The following ADA2 variants were observed in gnomAD, a reference collection of about 807,000 sequenced individuals.
The protein encoded by ADA2 is adenosine deaminase 2, also known as adenosine deaminase CECR1.
A neutral mutation model predicts 44.2 loss-of-function variants in ADA2; 29 were observed. The ratio of observed to expected loss-of-function variants is 0.66; its 90% CI spans 0.49 to 0.89. The LOEUF (loss-of-function observed/expected upper bound fraction) is 0.89, where lower values mean the gene tolerates loss of function less well. Among genes scored for constraint, ADA2 ranks in the 40% least tolerant of loss-of-function variants. The pLI is 0.00. For missense variants in ADA2, 637 were observed against 644.8 expected, an observed-to-expected ratio of 0.99 and a Z score of 0.13; for synonymous variants, 215 against 234.9, an observed-to-expected ratio of 0.92 and a Z score of 0.77.
intron 4 of ADA2, among the ~76,000 whole-genome samples, chr22:17,201,967 C>CTTTTT (rs71200247): frequency 1.6e-4 from 16 of 103,106 alleles, no homozygotes; most frequent in South Asian, 3.4e-4. Context: ...TTTCTTTTTT[C>CTTTTT]TTTTTTTTTT....
chr22:17,200,518 C>G (rs1187056665), intron 4 of ADA2, among the ~76,000 whole-genome samples: 2 of 152,084 alleles, frequency 1.3e-5, no homozygotes, highest in Non-Finnish European at 2.9e-5. Flanking sequence ...GCAACAGATC[C>G]AAGTGGAGAC....
At chr22:17,193,358 CAAAAAAAAAAAAAA>C (rs71200244) in intron 4 of ADA2, 25 of 66,356 alleles carry the variant, frequency 3.8e-4, no homozygotes, top group Non-Finnish European at 4.8e-4. Context: ...GTAAAAACTG[CAAAAAAAAAAAAAA>C]AAAAAAAAAA....
At chr22:17,198,208 C>G (rs947460637) in intron 4 of ADA2, among the ~76,000 whole-genome samples, 2 of 152,162 alleles carry the variant, frequency 1.3e-5, no homozygotes, top group Non-Finnish European at 2.9e-5. Flanking sequence ...ACATCTCAGC[C>G]CTGGCGGCAC....
chr22:17,199,656 G>T, intron 4 of ADA2: 5 of 1,611,998 alleles, frequency 3.1e-6, no homozygotes, highest in Admixed American at 1.7e-5. Context: ...CTATTAGGAC[G>T]CTCAGAGAGC....
intron 4 of ADA2, among the ~76,000 whole-genome samples, chr22:17,198,045 A>AC (rs1158518593): frequency 6.6e-6 from 1 of 151,950 alleles, no homozygotes; most frequent in Non-Finnish European, 1.5e-5. Context: ...TCTCAAAAAA[A>AC]AAAAAAACAA....
intron 4 of ADA2, among the ~76,000 whole-genome samples, chr22:17,201,122 T>C (rs2062280087): frequency 6.6e-6 from 1 of 151,428 alleles, no homozygotes; most frequent in African/African-American, 2.4e-5. Context: ...GGCACGAGAA[T>C]CGCTTGAACC....
chr22:17,219,826 C>T (rs2123742095), upstream of ADA2, among the ~76,000 whole-genome samples: 1 of 152,050 alleles, frequency 6.6e-6, no homozygotes, highest in East Asian at 1.9e-4. Context: ...AGGCGTGCGC[C>T]ACCATGCCCC....
At position 17,203,792 on chromosome 22, in the gene ADA2, G is replaced by T. The variant is rs755006464; in HGVS notation, c.543-19C>A. 6 of 1,583,396 alleles carry T rather than the reference G, an allele frequency of 3.8e-6. No individual in the cohort carries two copies. The highest frequency in any genetic ancestry group is 4.3e-6 in the Non-Finnish European group (5 of 1,153,664). Reference sequence around the variant, plus strand: ...CAGCAAGCTGTCCAAGACACGAAGTGGGGAGTGGCAGAGGCATGATCCAGG... The same window carrying T: ...CAGCAAGCTGTCCAAGACACGAAGTTGGGAGTGGCAGAGGCATGATCCAGG... On this transcript the variant is annotated intron_variant, in intron 3 of 9. Coordinates refer to ENST00000399837, the MANE Select transcript of ADA2 (RefSeq NM_001282225.2).
At position 17,207,130 on chromosome 22, in the gene ADA2, C is replaced by T; in HGVS notation, c.483G>A (p.Lys161=). Residue 161 remains lysine, a synonymous_variant, in exon 3 of 10, where the codon AAG becomes AAA. Transcript: ENST00000399837. ...TCCGATAATCCTCCAGCAGAATCCA[C>T]TTGGAACATTTTTCTGATGGACGGG... The part of the protein sequence containing the change: ...PTPRPSEKCS[K]WILLEDYRKR... 1 of 1,614,234 alleles carries T rather than the reference C, an allele frequency of 6.2e-7. No individual in the cohort carries two copies. The highest frequency in any genetic ancestry group is 8.5e-7 in the Non-Finnish European group (1 of 1,180,044).
chr22:17,197,269 CTT>C (rs113880994), intron 4 of ADA2, among the ~76,000 whole-genome samples: 3 of 143,160 alleles, frequency 2.1e-5, no homozygotes, highest in Non-Finnish European at 3.0e-5. Flanking sequence ...TCTTTTTTTT[CTT>C]TTTTTTTTTT....
chr22:17,208,747 G>A (rs1317323879), intron 2 of ADA2, among the ~76,000 whole-genome samples: 1 of 151,904 alleles, frequency 6.6e-6, no homozygotes, highest in Non-Finnish European at 1.5e-5. Flanking sequence ...AGGTTGCAGT[G>A]AGCCAAGATC....
Position 17,181,945 on chromosome 22 carries a change from G to A in ADA2, c.1317C>T (p.Ser439=). The change falls in exon 9 of 10, where the codon AGC becomes AGT. Residue 439 remains serine, a synonymous_variant. Coordinates refer to ENST00000399837, the MANE Select transcript of ADA2 (RefSeq NM_001282225.2). ...LMATGHPMVI[S]SDDPAMFGAK... is the part of the protein sequence containing the mutation. ...CACCAAACATAGCTGGGTCATCAGA[G>A]CTGATCACCATGGGGTGCCCAGTGG... 1 of 1,614,118 alleles carries A rather than the reference G, an allele frequency of 6.2e-7. No individual in the cohort carries two copies. The highest frequency in any genetic ancestry group is 8.5e-7 in the Non-Finnish European group (1 of 1,179,962).
intron 4 of ADA2, among the ~76,000 whole-genome samples, chr22:17,193,492 T>A (rs2062150367): frequency 6.8e-6 from 1 of 148,148 alleles, no homozygotes; most frequent in Non-Finnish European, 1.5e-5. Flanking sequence ...TGGTGAAACC[T>A]CGTCTCTACT....
At chr22:17,212,011 T>C (rs1198449434) in intron 1 of ADA2, among the ~76,000 whole-genome samples, 2 of 149,892 alleles carry the variant, frequency 1.3e-5, no homozygotes, top group East Asian at 3.9e-4. Context: ...ACCTATTTTT[T>C]TCTTTTCTTT....
At chr22:17,199,704 G>C (rs527379878) in intron 4 of ADA2, 1 of 1,559,580 alleles carries the variant, frequency 6.4e-7, no homozygotes, top group Admixed American at 1.9e-5. Flanking sequence ...TAGGAGCCCT[G>C]GTCTGGGTCC....
chr22:17,210,757 C>T lies in ADA2; in HGVS notation c.-46-1034G>A, dbSNP rs191160467. ...GGACTACAGGCACGCGTCACCATACCCAGCTAATTTTTGTATTTTTAATAG... is the reference window on the plus strand; with the variant it reads ...GGACTACAGGCACGCGTCACCATACTCAGCTAATTTTTGTATTTTTAATAG... On this transcript the variant is annotated intron_variant, in intron 1 of 9. Coordinates refer to ENST00000399837, the MANE Select transcript of ADA2 (RefSeq NM_001282225.2). Among the ~76,000 whole-genome samples the T allele has an allele frequency of 1.1e-4, 16 of 151,936 alleles. No homozygotes were observed. The East Asian group carries it at 2.7e-3, about 26-fold the overall frequency.
chr22:17,212,982 G>A (rs1023721065), intron 1 of ADA2, among the ~76,000 whole-genome samples: 1 of 148,950 alleles, frequency 6.7e-6, no homozygotes, highest in Non-Finnish European at 1.5e-5. Context: ...TAGAGACAGG[G>A]TCTCACTATG....
In ADA2 at chr22:17,188,868, A is replaced by AAAAAAAAAAAAAAAAAAATATAT; in HGVS notation, c.973-422_973-421insATATATTTTTTTTTTTTTTTTTT. The AAAAAAAAAAAAAAAAAAATATAT allele has an allele frequency of 4.9e-4, 40 of 81,168 alleles. 2 individuals are homozygous for AAAAAAAAAAAAAAAAAAATATAT. The highest frequency in any genetic ancestry group is 1.6e-3 in the African/African-American group (38 of 23,794). The allele number at this position is 81,168 out of a possible 1,614,324, so 5.0% of individuals were successfully genotyped here. A position where few individuals can be genotyped will look rare whatever the true frequency, so the allele number is the denominator to read the frequency against. ...CACTACAGCCTGGCCAAGAGCAAAA[A>AAAAAAAAAAAAAAAAAAATATAT]ATATATATATATATATATTTTGTAA... On this transcript the variant is annotated intron_variant, in intron 6 of 9. Coordinates refer to ENST00000399837, the MANE Select transcript of ADA2 (RefSeq NM_001282225.2).
Position 17,203,465 on chromosome 22 carries a change from A to G in ADA2, c.753+98T>C, listed in dbSNP as rs5747022. On this transcript the variant is annotated intron_variant, in intron 4 of 9. Transcript: ENST00000399837. ...CATGATCCCTTGCACCAGAGACCTG[A>G]GTGGTCAATTCATGAGCATTCAGTC... The G allele has an allele frequency of 0.94, 872,004 of 924,962 alleles. 411,342 individuals are homozygous for G. Among genetic ancestry groups the G allele is most frequent in the East Asian group, 1 (39,406 of 39,420 alleles). 57.3% of individuals were successfully genotyped at this position (924,962 alleles called of 1,614,324 possible). A position where few individuals can be genotyped will look rare whatever the true frequency, so the allele number is the denominator to read the frequency against.
Sources: allele counts gnomAD v4.1 joint callset (sites outside exome capture counted in the v4.1 genomes callset), GRCh38; gene constraint gnomAD v4.1.1; transcripts MANE v1.5; gene names NCBI Gene and HGNC (gene_info 2026-07-23, HGNC 2026-07-21).